Variants in SIK3 observed in about 807,000 individuals in gnomAD.
SIK3 encodes the protein serine/threonine-protein kinase SIK3.
Under a neutral mutation model 144.2 loss-of-function variants are expected in SIK3, and 28 were observed. That is an observed-to-expected ratio of 0.19 (90% CI 0.14 to 0.27). The LOEUF is 0.27. SIK3 is among the 10% of genes least tolerant of loss of function. SIK3 has a pLI of 1.00. For synonymous variants in SIK3, 686 were observed against 676.3 expected (o/e 1.01, Z -0.22); for missense variants, 1,319 against 1,776.0 (o/e 0.74, Z 4.62).
chr11:117,080,017 G>A (rs545657702), intron 1 of SIK3, among the ~76,000 whole-genome samples: 4 of 152,094 alleles, frequency 2.6e-5, no homozygotes, highest in African/African-American at 7.2e-5. Context: ...CTGGGTGACA[G>A]AGTGAGACTC....
intron 4 of SIK3, among the ~76,000 whole-genome samples, chr11:116,903,218 C>T (rs1278331652): frequency 6.6e-6 from 1 of 152,228 alleles, no homozygotes; most frequent in Non-Finnish European, 1.5e-5. Context: ...AGAATACCTC[C>T]TCTTCATTCT....
intron 1 of SIK3, among the ~76,000 whole-genome samples, chr11:116,968,369 C>T (rs1267737502): frequency 6.6e-6 from 1 of 152,094 alleles, no homozygotes; most frequent in East Asian, 1.9e-4. Context: ...GTCTCAAACT[C>T]CTAACCTTGT....
intron 4 of SIK3, among the ~76,000 whole-genome samples, chr11:116,903,513 G>A (rs549974971): frequency 3.9e-5 from 6 of 152,240 alleles, no homozygotes; most frequent in African/African-American, 1.4e-4. Flanking sequence ...ACAAATTCAA[G>A]CAATGAGTAA....
At chr11:116,870,182 G>C in intron 14 of SIK3, 149 bp downstream of exon 14, 1 of 1,541,468 alleles carries the variant, frequency 6.5e-7, no homozygotes. Context: ...ACTTCCATGT[G>C]GGGTGGAACA....
intron 1 of SIK3, among the ~76,000 whole-genome samples, chr11:116,974,960 A>C (rs1211919473): frequency 6.6e-6 from 1 of 152,160 alleles, no homozygotes. Flanking sequence ...AATAGTATCC[A>C]TCTCTCCTCT....
At chr11:116,938,175 C>T (rs1371843870) in intron 3 of SIK3, among the ~76,000 whole-genome samples, 2 of 119,728 alleles carry the variant, frequency 1.7e-5, no homozygotes, top group African/African-American at 3.2e-5. Context: ...ACTGCACTCC[C>T]GCCTGGGCAA....
chr11:116,910,092 T>C (rs926769376), intron 4 of SIK3, among the ~76,000 whole-genome samples: 1 of 152,166 alleles, frequency 6.6e-6, no homozygotes, highest in African/African-American at 2.4e-5. Flanking sequence ...TGATTGAAAA[T>C]ATTAGTATTA....
At chr11:116,939,349 T>C (rs937834264) in intron 3 of SIK3, among the ~76,000 whole-genome samples, 1 of 152,222 alleles carries the variant, frequency 6.6e-6, no homozygotes, top group Non-Finnish European at 1.5e-5. Flanking sequence ...GGTTTCACCA[T>C]GTTGGTCAGG....
intron 6 of SIK3, among the ~76,000 whole-genome samples, chr11:116,879,160 A>G (rs1478526162): frequency 2.0e-5 from 3 of 152,234 alleles, no homozygotes; most frequent in Non-Finnish European, 4.4e-5. Context: ...ATTTAATCAA[A>G]TGAGATTGTA....
chr11:116,921,596 T>C (rs1238610601), intron 4 of SIK3, among the ~76,000 whole-genome samples: 2 of 152,214 alleles, frequency 1.3e-5, no homozygotes, highest in East Asian at 3.8e-4. Context: ...CTCAAAATCC[T>C]GGCCTCAAGT....
intron 1 of SIK3, among the ~76,000 whole-genome samples, chr11:116,965,159 T>A (rs1237533516): frequency 6.6e-6 from 1 of 152,144 alleles, no homozygotes; most frequent in African/African-American, 2.4e-5. Context: ...GAGAAATTTT[T>A]AAAGACAAAA....
intron 1 of SIK3, among the ~76,000 whole-genome samples, chr11:116,978,184 C>T (rs1950019084): frequency 6.6e-6 from 1 of 151,846 alleles, no homozygotes. Flanking sequence ...CACCACTGCA[C>T]TCCAGCCTTG....
intron 1 of SIK3, among the ~76,000 whole-genome samples, chr11:117,061,009 G>A (rs1953766457): frequency 6.6e-6 from 1 of 152,186 alleles, no homozygotes; most frequent in South Asian, 2.1e-4. Context: ...AACTTTTGGA[G>A]GCTGAGGTGA....
intron 6 of SIK3, among the ~76,000 whole-genome samples, chr11:116,878,180 T>C (rs1240615969): frequency 1.3e-5 from 2 of 152,150 alleles, no homozygotes; most frequent in African/African-American, 4.8e-5. Flanking sequence ...ACTTACACGC[T>C]GCAAAAGTCT....
chr11:116,948,340 C>G (rs1355359214), intron 3 of SIK3, among the ~76,000 whole-genome samples: 1 of 152,010 alleles, frequency 6.6e-6, no homozygotes, highest in Non-Finnish European at 1.5e-5. Flanking sequence ...TGCATTGGCA[C>G]AATCATGGCT....
intron 6 of SIK3, among the ~76,000 whole-genome samples, chr11:116,889,566 C>T (rs1196376352): frequency 1.3e-5 from 2 of 151,888 alleles, no homozygotes; most frequent in African/African-American, 4.8e-5. Flanking sequence ...GACCCTGTCG[C>T]CAAAAATATA....
At chr11:116,874,550 A>C (rs1165078253) in intron 11 of SIK3, among the ~76,000 whole-genome samples, 2 of 152,252 alleles carry the variant, frequency 1.3e-5, no homozygotes, top group Admixed American at 1.3e-4. Flanking sequence ...ACATCTTTCC[A>C]CTAACAGAGC....
chr11:116,926,974 C>A (rs1947310334), intron 4 of SIK3, among the ~76,000 whole-genome samples: 1 of 148,164 alleles, frequency 6.7e-6, no homozygotes, highest in Non-Finnish European at 1.5e-5. Context: ...TGAGTCAAGA[C>A]TGCACCACTG....
intron 11 of SIK3, 130 bp from the exon 12 acceptor site, chr11:116,874,186 T>C: frequency 1.0e-6 from 1 of 978,790 alleles, no homozygotes; most frequent in Non-Finnish European, 1.5e-6. Flanking sequence ...TATGTTTCTC[T>C]TTAAGATCCT....
Sources: gnomAD v4.1 joint callset for allele counts (sites outside exome capture counted in the v4.1 genomes callset) on GRCh38, gnomAD v4.1.1 for gene constraint, MANE v1.5 for transcripts, NCBI Gene and HGNC (gene_info 2026-07-23, HGNC 2026-07-21) for gene names.